Variants in TNFSF4 observed in about 807,000 individuals in gnomAD.
TNFSF4 encodes the protein tumor necrosis factor ligand superfamily member 4.
In TNFSF4, 4 loss-of-function variants were observed where a neutral mutation model predicts 7.3. The observed-to-expected ratio is 0.55, with a 90% confidence interval of 0.27 to 1.25. The LOEUF is 1.25. Ranked by LOEUF, TNFSF4 falls within the 50% of genes most tolerant of loss-of-function variation. The pLI, the probability that TNFSF4 is intolerant of heterozygous loss-of-function variation, is 0.12. For missense variants in TNFSF4, 181 were observed against 208.8 expected, an observed-to-expected ratio of 0.87 and a Z score of 0.82; for synonymous variants, 76 against 83.7, an observed-to-expected ratio of 0.91 and a Z score of 0.50.
At chr1:173,287,268 G>C in the TNFSF4 span, among the ~76,000 whole-genome samples, 1 of 152,316 alleles carries the variant, frequency 6.6e-6, no homozygotes, top group Non-Finnish European at 1.5e-5. Context: ...CCAGGAGTTT[G>C]AGGCTGCAGT....
At chr1:173,412,626 G>GC in the TNFSF4 span, among the ~76,000 whole-genome samples, 1 of 152,286 alleles carries the variant, frequency 6.6e-6, no homozygotes, top group African/African-American at 2.4e-5. Flanking sequence ...AAGAACTGCT[G>GC]CAAGTCAGTA....
At chr1:173,387,586 T>C in the TNFSF4 span, among the ~76,000 whole-genome samples, 19 of 152,208 alleles carry the variant, frequency 1.2e-4, 2 homozygotes, top group Admixed American at 1.2e-3. Flanking sequence ...CAGGTTGAGT[T>C]AAGAGATTCC....
At chr1:173,279,826 A>C in the TNFSF4 span, among the ~76,000 whole-genome samples, 1 of 152,150 alleles carries the variant, frequency 6.6e-6, no homozygotes. Flanking sequence ...CACCCTTGAC[A>C]ACATTTAGTG....
At chr1:173,313,344 A>G in the TNFSF4 span, among the ~76,000 whole-genome samples, 1 of 152,158 alleles carries the variant, frequency 6.6e-6, no homozygotes, top group Non-Finnish European at 1.5e-5. Flanking sequence ...AGGAACATAA[A>G]TAAAACCTAA....
the TNFSF4 span, among the ~76,000 whole-genome samples, chr1:173,323,879 C>A: frequency 6.6e-6 from 1 of 152,184 alleles, no homozygotes; most frequent in Non-Finnish European, 1.5e-5. Context: ...ACCAAATCTA[C>A]GTCTAATTGG....
chr1:173,429,344 T>TA, the TNFSF4 span, among the ~76,000 whole-genome samples: 1 of 152,230 alleles, frequency 6.6e-6, no homozygotes, highest in Non-Finnish European at 1.5e-5. Flanking sequence ...TTGTCACACT[T>TA]AGACATGTGC....
chr1:173,186,831 G>A lies in TNFSF4; in HGVS notation c.237C>T (p.Ser79=). The A allele has an allele frequency of 8.7e-6, 14 of 1,608,098 alleles. No homozygotes were observed. Among genetic ancestry groups the A allele is most frequent in the Non-Finnish European group, 1.1e-5 (13 of 1,176,842 alleles). ...YKKEKGFILT[S]QKEDEIMKVQ... ...CCTTCATGATTTCATCCTCCTTTTG[G>A]GAAGTGAGGATGAAACCTTTCTCCT... Residue 79 remains serine, a synonymous_variant, in exon 3 of 3, where the codon TCC becomes TCT. Coordinates refer to ENST00000281834, the MANE Select transcript of TNFSF4 (RefSeq NM_003326.5).
chr1:173,223,606 T>C, the TNFSF4 span, among the ~76,000 whole-genome samples: 1 of 152,334 alleles, frequency 6.6e-6, no homozygotes, highest in East Asian at 1.9e-4. Context: ...AGACCAACTC[T>C]AGTTCTATTC....
At chr1:173,298,053 C>T in the TNFSF4 span, among the ~76,000 whole-genome samples, 6 of 151,920 alleles carry the variant, frequency 3.9e-5, no homozygotes, top group Non-Finnish European at 8.8e-5. Flanking sequence ...TGATCACTTA[C>T]TTTCAGGACA....
downstream of TNFSF4, among the ~76,000 whole-genome samples, chr1:173,179,177 A>G (rs1438965934): frequency 2.0e-5 from 3 of 152,206 alleles, no homozygotes; most frequent in East Asian, 1.9e-4. Context: ...TACAGCAGAT[A>G]TAGAAAACTA....
chr1:173,188,062 C>T (rs10158707), intron 2 of TNFSF4, among the ~76,000 whole-genome samples: 11,396 of 152,246 alleles, frequency 0.075, 598 homozygotes, highest in African/African-American at 0.15. Context: ...TAGCACTAAT[C>T]ATGGACCCAA....
the TNFSF4 span, among the ~76,000 whole-genome samples, chr1:173,298,837 C>G: frequency 4.6e-5 from 7 of 151,882 alleles, no homozygotes; most frequent in African/African-American, 1.7e-4. Context: ...GGACCCAGGT[C>G]TTTTAACTCA....
At chr1:173,396,651 T>G in the TNFSF4 span, among the ~76,000 whole-genome samples, 1 of 152,222 alleles carries the variant, frequency 6.6e-6, no homozygotes, top group Non-Finnish European at 1.5e-5. Context: ...TACATTTTTG[T>G]TGACTGATCA....
the TNFSF4 span, among the ~76,000 whole-genome samples, chr1:173,436,545 G>A: frequency 1.3e-5 from 2 of 152,142 alleles, no homozygotes; most frequent in East Asian, 3.9e-4. Flanking sequence ...GTGTAGCTGG[G>A]ATTACAGGCA....
chr1:173,369,012 TG>T, the TNFSF4 span, among the ~76,000 whole-genome samples: 8 of 152,042 alleles, frequency 5.3e-5, no homozygotes, highest in Non-Finnish European at 2.9e-5. Flanking sequence ...GCCCCATCAG[TG>T]GGGGGACTAT....
At chr1:173,389,980 C>G in the TNFSF4 span, among the ~76,000 whole-genome samples, 5 of 152,118 alleles carry the variant, frequency 3.3e-5, no homozygotes, top group East Asian at 1.9e-4. Context: ...TCTGAAATTC[C>G]TAGCAATTAA....
the TNFSF4 span, among the ~76,000 whole-genome samples, chr1:173,231,468 G>C: frequency 6.6e-6 from 1 of 152,114 alleles, no homozygotes; most frequent in African/African-American, 2.4e-5. Context: ...AGCTATTTAT[G>C]ACAAACCCAC....
the TNFSF4 span, among the ~76,000 whole-genome samples, chr1:173,326,466 A>G: frequency 1.3e-5 from 2 of 152,200 alleles, no homozygotes; most frequent in African/African-American, 4.8e-5. Context: ...CAAGACAGGG[A>G]TGCCCTCTCT....
chr1:173,381,825 T>C, the TNFSF4 span, among the ~76,000 whole-genome samples: 1 of 152,240 alleles, frequency 6.6e-6, no homozygotes, highest in South Asian at 2.1e-4. Flanking sequence ...AGCTAAAGGA[T>C]TGTAAACACA....
Sources: gnomAD v4.1 joint callset for allele counts (sites outside exome capture counted in the v4.1 genomes callset) on GRCh38, gnomAD v4.1.1 for gene constraint, MANE v1.5 for transcripts, NCBI Gene and HGNC (gene_info 2026-07-23, HGNC 2026-07-21) for gene names.